Variants in BRINP3 observed in about 807,000 individuals in gnomAD.
The protein encoded by BRINP3 is BMP/retinoic acid-inducible neural-specific protein 3.
BRINP3 carries 19 observed loss-of-function variants against 71.0 expected under a neutral mutation model. That is an observed-to-expected ratio of 0.27 (90% CI 0.19 to 0.39). The LOEUF is 0.39. BRINP3 is among the 10% of genes least tolerant of loss of function. The pLI is 1.00. For missense variants in BRINP3, 959 were observed against 940.8 expected (o/e 1.02, Z -0.25); for synonymous variants, 380 against 337.7 (o/e 1.13, Z -1.37).
intron 2 of BRINP3, among the ~76,000 whole-genome samples, chr1:190,416,989 T>C (rs894157042): frequency 6.6e-6 from 1 of 152,166 alleles, no homozygotes; most frequent in South Asian, 2.1e-4. Flanking sequence ...ATGTAAAGGA[T>C]TAAATACATG....
intron 6 of BRINP3, among the ~76,000 whole-genome samples, chr1:190,173,758 T>C (rs1571908174): frequency 1.3e-5 from 2 of 152,188 alleles, no homozygotes; most frequent in East Asian, 3.9e-4. Flanking sequence ...ATGAATGAAA[T>C]ACACATAAAT....
At chr1:190,314,047 C>T (rs1382600101) in intron 2 of BRINP3, among the ~76,000 whole-genome samples, 4 of 151,652 alleles carry the variant, frequency 2.6e-5, no homozygotes, top group Admixed American at 6.6e-5. Flanking sequence ...TGTATTTTTT[C>T]GCAAAATTAT....
chr1:190,275,431 C>A (rs1662474623), intron 3 of BRINP3, among the ~76,000 whole-genome samples: 1 of 151,570 alleles, frequency 6.6e-6, no homozygotes, highest in African/African-American at 2.4e-5. Flanking sequence ...ATTCATTAAT[C>A]TGTGGTGGAA....
chr1:190,385,221 T>C (rs556021574), intron 2 of BRINP3, among the ~76,000 whole-genome samples: 10 of 151,986 alleles, frequency 6.6e-5, no homozygotes, highest in Non-Finnish European at 8.8e-5. Flanking sequence ...AAAGACAAAA[T>C]TGACAAATAG....
At chr1:190,283,241 T>A (rs924200820) in intron 2 of BRINP3, among the ~76,000 whole-genome samples, 1 of 151,990 alleles carries the variant, frequency 6.6e-6, no homozygotes, top group Non-Finnish European at 1.5e-5. Context: ...TAATTAGTGT[T>A]TTTCCTCGAA....
At chr1:190,101,223 T>G (rs1459292411) in intron 7 of BRINP3, among the ~76,000 whole-genome samples, 1 of 152,188 alleles carries the variant, frequency 6.6e-6, no homozygotes, top group Non-Finnish European at 1.5e-5. Context: ...TCCAGATACT[T>G]TTAAGATAAA....
chr1:190,178,655 G>C (rs563644325), intron 6 of BRINP3, among the ~76,000 whole-genome samples: 1 of 152,250 alleles, frequency 6.6e-6, no homozygotes, highest in East Asian at 1.9e-4. Flanking sequence ...TTTGCCAGCA[G>C]AGTGATAGAA....
At chr1:190,123,192 A>G (rs1422797421) in intron 7 of BRINP3, among the ~76,000 whole-genome samples, 1 of 152,124 alleles carries the variant, frequency 6.6e-6, no homozygotes, top group Non-Finnish European at 1.5e-5. Context: ...TTGCTCAAAA[A>G]GTATTGGACT....
intron 7 of BRINP3, among the ~76,000 whole-genome samples, chr1:190,119,663 A>T (rs925545620): frequency 3.9e-5 from 6 of 152,104 alleles, no homozygotes; most frequent in African/African-American, 1.4e-4. Context: ...TTTCAGACAA[A>T]TTTTTAGTGA....
At chr1:190,404,063 A>T (rs1672109286) in intron 2 of BRINP3, among the ~76,000 whole-genome samples, 2 of 152,216 alleles carry the variant, frequency 1.3e-5, no homozygotes, top group Admixed American at 1.3e-4. Context: ...AATGTTACAG[A>T]TGACCAAACC....
chr1:190,263,667 G>A (rs967901833), intron 4 of BRINP3, among the ~76,000 whole-genome samples: 2 of 146,168 alleles, frequency 1.4e-5, no homozygotes, highest in African/African-American at 5.1e-5. Context: ...TCCGCTCACT[G>A]CAAGTTCTGC....
chr1:190,396,446 A>C (rs1461147094), intron 2 of BRINP3, among the ~76,000 whole-genome samples: 1 of 151,092 alleles, frequency 6.6e-6, no homozygotes, highest in Non-Finnish European at 1.5e-5. Flanking sequence ...CAGCCAGAGT[A>C]GGTTTGAATA....
chr1:190,294,742 T>C (rs999277903), intron 2 of BRINP3, among the ~76,000 whole-genome samples: 4 of 152,208 alleles, frequency 2.6e-5, no homozygotes, highest in South Asian at 4.1e-4. Flanking sequence ...TGTTTGTACC[T>C]GTCCTTCTTC....
At chr1:190,195,666 A>G (rs1654416672) in intron 6 of BRINP3, among the ~76,000 whole-genome samples, 1 of 152,008 alleles carries the variant, frequency 6.6e-6, no homozygotes, top group African/African-American at 2.4e-5. Context: ...CAGAGCTGTA[A>G]GCTTTTCTAA....
intron 7 of BRINP3, among the ~76,000 whole-genome samples, chr1:190,148,702 T>C (rs1421921546): frequency 6.6e-6 from 1 of 152,018 alleles, no homozygotes; most frequent in Non-Finnish European, 1.5e-5. Context: ...TGTTTTACTG[T>C]AATAAACTAA....
intron 2 of BRINP3, among the ~76,000 whole-genome samples, chr1:190,290,709 C>G (rs1663793605): frequency 6.6e-6 from 1 of 152,092 alleles, no homozygotes. Context: ...GGTGTGTGCT[C>G]TTTTTATCTC....
At chr1:190,263,847 C>T (rs1661415493) in intron 4 of BRINP3, among the ~76,000 whole-genome samples, 1 of 152,126 alleles carries the variant, frequency 6.6e-6, no homozygotes, top group South Asian at 2.1e-4. Flanking sequence ...CTCGGCCTCC[C>T]AAAGTGCTGG....
rs527329019 is a variant in BRINP3, at chr1:190,350,207, T to G, written c.237-68457A>C. 7.9e-5 allele frequency among the ~76,000 whole-genome samples: 12 copies of G among 152,226 alleles called. No homozygotes were observed. The South Asian group carries it at 1.7e-3, about 21-fold the overall frequency. On this transcript the variant is annotated intron_variant, in intron 2 of 7. Transcript: ENST00000367462. ...AAGCAGACAAACAGATGAAATAACA[T>G]GAATTTCATTCATCGCTCTACAAAT...
chr1:190,389,648 A>G (rs1671127696), intron 2 of BRINP3, among the ~76,000 whole-genome samples: 1 of 151,776 alleles, frequency 6.6e-6, no homozygotes, highest in South Asian at 2.1e-4. Flanking sequence ...ATCAAATGAT[A>G]AGCTTAAGGC....
Sources: allele counts gnomAD v4.1 joint callset (sites outside exome capture counted in the v4.1 genomes callset), GRCh38; gene constraint gnomAD v4.1.1; transcripts MANE v1.5; gene names NCBI Gene and HGNC (gene_info 2026-07-23, HGNC 2026-07-21).